UNC5C: variants seen among roughly 807,000 people sequenced by gnomAD.
UNC5C encodes the protein netrin receptor UNC5C.
Under a neutral mutation model 99.8 loss-of-function variants are expected in UNC5C, and 47 were observed. The ratio of observed to expected loss-of-function variants is 0.47; its 90% CI spans 0.37 to 0.60. UNC5C has a LOEUF of 0.60. Ranked by LOEUF, UNC5C falls within the 20% of genes least tolerant of loss-of-function variation. UNC5C has a pLI of 0.00. For synonymous variants in UNC5C, 487 were observed against 452.2 expected, an observed-to-expected ratio of 1.08 and a Z score of -0.98; for missense variants, 1,062 against 1,165.9, an observed-to-expected ratio of 0.91 and a Z score of 1.30.
intron 1 of UNC5C, among the ~76,000 whole-genome samples, chr4:95,508,385 A>C (rs1222766746): frequency 1.2e-5 from 1 of 80,760 alleles, no homozygotes; most frequent in African/African-American, 4.5e-5. Context: ...ATTTTATTAA[A>C]AACTTGTAAT....
At chr4:95,274,384 A>G (rs1740777848) in intron 4 of UNC5C, among the ~76,000 whole-genome samples, 1 of 152,140 alleles carries the variant, frequency 6.6e-6, no homozygotes, top group Non-Finnish European at 1.5e-5. Flanking sequence ...CTCTCGTGCT[A>G]AGGAAGCCAT....
At position 95,170,321 on chromosome 4, in the gene UNC5C, G is replaced by C; in HGVS notation, c.2463C>G (p.Gly821=). The change falls in exon 15 of 16, where the codon GGC becomes GGG. Residue 821 remains glycine (G), a synonymous_variant. Transcript: ENST00000453304. ...CAGGATCCAGCAGCGGCAAATCGAT[G>C]CCAGTAGGTTCCTGTAGTTCAGGGA... ...LNCTVSEEPT[G]IDLPLLDPAN... is the part of the protein sequence containing the mutation. 6.2e-7 allele frequency: 1 copy of C among 1,614,130 alleles called. No individual in the cohort carries two copies. Among genetic ancestry groups the C allele is most frequent in the Non-Finnish European group, 8.5e-7 (1 of 1,179,966 alleles).
At chr4:95,432,119 T>G (rs1020652503) in intron 1 of UNC5C, among the ~76,000 whole-genome samples, 2 of 152,096 alleles carry the variant, frequency 1.3e-5, no homozygotes, top group Admixed American at 1.3e-4. Flanking sequence ...ACCCTCAAGT[T>G]TGGTTCTCCA....
At chr4:95,236,005 C>T (rs1739096095) in intron 7 of UNC5C, among the ~76,000 whole-genome samples, 1 of 152,122 alleles carries the variant, frequency 6.6e-6, no homozygotes, top group Non-Finnish European at 1.5e-5. Flanking sequence ...ACTGGTTCAA[C>T]CATTGTGGAA....
intron 1 of UNC5C, among the ~76,000 whole-genome samples, chr4:95,494,547 A>G (rs1721580933): frequency 1.3e-5 from 2 of 151,442 alleles, no homozygotes; most frequent in South Asian, 2.1e-4. Context: ...CCTCTCAAGG[A>G]CATATCTTTG....
chr4:95,169,640 G>A (rs1217318411), intron 15 of UNC5C, among the ~76,000 whole-genome samples: 1 of 152,108 alleles, frequency 6.6e-6, no homozygotes, highest in Non-Finnish European at 1.5e-5. Flanking sequence ...ATGTCTATGG[G>A]TCATATTCTA....
intron 1 of UNC5C, among the ~76,000 whole-genome samples, chr4:95,369,582 A>C (rs1744685150): frequency 6.6e-6 from 1 of 152,080 alleles, no homozygotes; most frequent in Admixed American, 6.6e-5. Flanking sequence ...ACCTATCCAA[A>C]TATTCCAAGT....
intron 1 of UNC5C, among the ~76,000 whole-genome samples, chr4:95,391,738 G>A (rs931341909): frequency 2.1e-5 from 3 of 145,958 alleles, no homozygotes; most frequent in African/African-American, 7.7e-5. Context: ...AATATAAAGT[G>A]AGCTTTGTCC....
intron 2 of UNC5C, among the ~76,000 whole-genome samples, chr4:95,316,977 GA>G (rs35955009): frequency 6.9e-6 from 1 of 145,344 alleles, no homozygotes; most frequent in Non-Finnish European, 1.5e-5. Context: ...TCACTGCTCA[GA>G]AAAAAAAAGA....
intron 9 of UNC5C, among the ~76,000 whole-genome samples, chr4:95,218,540 C>T (rs1020639619): frequency 2.0e-5 from 3 of 152,098 alleles, no homozygotes; most frequent in Admixed American, 2.0e-4. Context: ...TATGATACCT[C>T]TGATGATCAA....
chr4:95,537,240 T>C (rs932522063), intron 1 of UNC5C, among the ~76,000 whole-genome samples: 1 of 152,160 alleles, frequency 6.6e-6, no homozygotes, highest in Non-Finnish European at 1.5e-5. Flanking sequence ...GAAAGTATAA[T>C]GAGAATTCAA....
rs547705470 is a variant in UNC5C at position 95,305,528 on chromosome 4, A to G, written c.347-3779T>C. On this transcript the variant is annotated intron_variant, in intron 2 of 15. Transcript: ENST00000453304. Reference sequence around the variant, plus strand: ...TTTGAAGAGCATTTGGGAACCTGAAATTGGTTTCAGGTTATTTAAGGGTGG... The same window carrying G: ...TTTGAAGAGCATTTGGGAACCTGAAGTTGGTTTCAGGTTATTTAAGGGTGG... 6.1e-3 allele frequency among the ~76,000 whole-genome samples: 936 copies of G among 152,206 alleles called. 5 individuals are homozygous for G. The highest frequency in any genetic ancestry group is 0.021 in the African/African-American group (877 of 41,524).
chr4:95,272,670 C>T (rs2903004), intron 4 of UNC5C, among the ~76,000 whole-genome samples: 151,026 of 152,338 alleles, frequency 0.99, 74,865 homozygotes, highest in East Asian at 1. Context: ...TTTGAAAACC[C>T]GTCTTCAAGG....
In UNC5C at chr4:95,375,710, C is replaced by A. The variant is rs562940398; in HGVS notation, c.125-40079G>T. Among the ~76,000 whole-genome samples the A allele has an allele frequency of 2.6e-5, 4 of 152,242 alleles. No individual in the cohort carries two copies. The East Asian group carries it at 7.7e-4, about 29-fold the overall frequency. The stretch of plus-strand genomic sequence containing the variant: ...AATTCTTCAGAAATTTCCTTTAAAT[C>A]CAGGAATAAAATAAGCATGCTCATT... On this transcript the variant is annotated intron_variant, in intron 1 of 15. Coordinates refer to ENST00000453304, the MANE Select transcript of UNC5C (RefSeq NM_003728.4).
intron 7 of UNC5C, among the ~76,000 whole-genome samples, chr4:95,235,637 A>G (rs1053381012): frequency 1.3e-5 from 2 of 152,186 alleles, no homozygotes; most frequent in Non-Finnish European, 2.9e-5. Context: ...GCAGTCTTTA[A>G]TCCATCTTGA....
At chr4:95,199,296 G>C (rs1737558139) in intron 12 of UNC5C, among the ~76,000 whole-genome samples, 1 of 152,148 alleles carries the variant, frequency 6.6e-6, no homozygotes, top group African/African-American at 2.4e-5. Flanking sequence ...TCCAATTCAA[G>C]CGTGGGTGTG....
intron 1 of UNC5C, among the ~76,000 whole-genome samples, chr4:95,366,053 C>G (rs1042977101): frequency 1.1e-4 from 17 of 152,108 alleles, no homozygotes; most frequent in Admixed American, 1.1e-3. Flanking sequence ...ACTGCCAACC[C>G]ACTATCTGGT....
intron 1 of UNC5C, among the ~76,000 whole-genome samples, chr4:95,538,558 G>A (rs1722835952): frequency 2.0e-5 from 3 of 152,182 alleles, no homozygotes; most frequent in Admixed American, 6.5e-5. Flanking sequence ...TATTTATTTT[G>A]CTGTTCTTAG....
At chr4:95,286,176 C>T (rs2865425) in intron 3 of UNC5C, among the ~76,000 whole-genome samples, 99,626 of 151,580 alleles carry the variant, frequency 0.66, 33,687 homozygotes, top group African/African-American at 0.83. Flanking sequence ...TATACATCTA[C>T]TGTTATCACT....
Sources: allele counts gnomAD v4.1 joint callset (sites outside exome capture counted in the v4.1 genomes callset), GRCh38; gene constraint gnomAD v4.1.1; transcripts MANE v1.5; gene names NCBI Gene and HGNC (gene_info 2026-07-23, HGNC 2026-07-21).